The following AFAP1 variants were observed in gnomAD, a reference collection of about 807,000 sequenced individuals.
The protein encoded by AFAP1 is actin filament-associated protein 1.
AFAP1 carries 75 observed loss-of-function variants against 93.9 expected under a neutral mutation model. The ratio of observed to expected loss-of-function variants is 0.80; its 90% CI spans 0.66 to 0.97. The LOEUF (loss-of-function observed/expected upper bound fraction) is 0.97. Ranked by LOEUF, AFAP1 falls within the 50% of genes least tolerant of loss-of-function variation. AFAP1 has a pLI of 0.00. For synonymous variants in AFAP1, 517 were observed against 430.7 expected, an observed-to-expected ratio of 1.20 and a Z score of -2.48; for missense variants, 1,201 against 1,050.8, an observed-to-expected ratio of 1.14 and a Z score of -1.98.
chr4:7,922,663 G>A (rs755288556), intron 1 of AFAP1, among the ~76,000 whole-genome samples: 1 of 152,134 alleles, frequency 6.6e-6, no homozygotes, highest in Non-Finnish European at 1.5e-5. Context: ...ATGCCAAGCC[G>A]GGGAACCTGT....
Position 7,800,464 on chromosome 4 carries a change from C to A in AFAP1, c.1244G>T (p.Gly415Val). ...TACCTCCAATACTGCAACCTCCTGG[C>A]CGTTGCGCAGCAGCCGGAACGTCAG... ...HPLTFRLLRNGQEVAVLEASS... is the reference protein window; with the variant it reads ...HPLTFRLLRNVQEVAVLEASS... Residue 415 changes from glycine (G) to valine (V), a missense_variant, in exon 10 of 18, where the codon GGC (glycine) becomes GTC (valine). By Grantham distance (109) the Gly-to-Val change is moderately radical. Transcript: ENST00000420658. 1 of 1,614,184 alleles carries A rather than the reference C, an allele frequency of 6.2e-7. No homozygotes were observed. The highest frequency in any genetic ancestry group is 8.5e-7 in the Non-Finnish European group (1 of 1,180,016).
intron 6 of AFAP1, among the ~76,000 whole-genome samples, chr4:7,821,183 C>T (rs1435147110): frequency 6.6e-6 from 1 of 152,162 alleles, no homozygotes; most frequent in Non-Finnish European, 1.5e-5. Context: ...TATTTAATCT[C>T]TCAGAGCTTC....
intron 9 of AFAP1, among the ~76,000 whole-genome samples, chr4:7,804,262 G>A (rs1305289464): frequency 6.6e-6 from 1 of 152,214 alleles, no homozygotes; most frequent in African/African-American, 2.4e-5. Context: ...AACTGCAGGC[G>A]GGAGCTTCAA....
At chr4:7,859,383 C>T (rs538608859) in intron 3 of AFAP1, among the ~76,000 whole-genome samples, 6 of 152,096 alleles carry the variant, frequency 3.9e-5, no homozygotes, top group Non-Finnish European at 8.8e-5. Flanking sequence ...CGCCACACTG[C>T]ACTCCAGCCT....
chr4:7,856,039 T>C (rs1053486730), intron 3 of AFAP1, among the ~76,000 whole-genome samples: 2 of 152,176 alleles, frequency 1.3e-5, no homozygotes, highest in South Asian at 2.1e-4. Flanking sequence ...ACACAGATGC[T>C]CAGGCGCACC....
At chr4:7,872,938 TTA>T (rs1491501748) in intron 1 of AFAP1, among the ~76,000 whole-genome samples, 9 of 135,844 alleles carry the variant, frequency 6.6e-5, no homozygotes, top group African/African-American at 2.4e-4. Flanking sequence ...TTTTTTTTTT[TTA>T]AAAAAAAAAA....
At chr4:7,783,535 G>A (rs1170569618) in intron 12 of AFAP1, among the ~76,000 whole-genome samples, 2 of 152,186 alleles carry the variant, frequency 1.3e-5, no homozygotes, top group Admixed American at 6.5e-5. Context: ...TTCAGGAAGG[G>A]CCTGGGCAGA....
At chr4:7,769,122 A>T in intron 16 of AFAP1, 114 bp from the exon 17 acceptor site, 5 of 1,361,308 alleles carry the variant, frequency 3.7e-6, no homozygotes, top group Non-Finnish European at 4.9e-6. Context: ...GGGCAAAAAT[A>T]ACAGCAGTAG....
chr4:7,845,354 C>G (rs147448551), intron 4 of AFAP1, among the ~76,000 whole-genome samples: 5 of 151,950 alleles, frequency 3.3e-5, no homozygotes, highest in Non-Finnish European at 7.4e-5. Context: ...CCCAGGAGTC[C>G]GAGGCTGCAG....
intron 12 of AFAP1, 120 bp downstream of exon 12, chr4:7,786,074 C>T: frequency 1.2e-6 from 1 of 838,072 alleles, no homozygotes; most frequent in Non-Finnish European, 1.9e-6. Context: ...AGTCTCCTTG[C>T]CTCAGAGCAT....
intron 4 of AFAP1, among the ~76,000 whole-genome samples, chr4:7,849,240 A>G (rs1714158099): frequency 6.6e-6 from 1 of 152,076 alleles, no homozygotes; most frequent in African/African-American, 2.4e-5. Flanking sequence ...GGGAGGGGAG[A>G]GTGAGAGGCT....
intron 1 of AFAP1, among the ~76,000 whole-genome samples, chr4:7,906,172 C>G (rs1418004810): frequency 6.6e-6 from 1 of 152,158 alleles, no homozygotes; most frequent in Non-Finnish European, 1.5e-5. Context: ...GAGAAAGAAA[C>G]AGGGTTACTA....
Position 7,800,634 on chromosome 4 carries a change from G to A in AFAP1, c.1074C>T (p.Ser358=), listed in dbSNP as rs367699634. 6 of 1,614,068 alleles carry A rather than the reference G, an allele frequency of 3.7e-6. No homozygotes were observed. The African/African-American group carries it at 8.0e-5, about 22-fold the overall frequency. ...ACCAGCGCTCTCGCCAGCGGCTGTTGGAGAGCACGTTCAGATAGCCTGCGG... is the reference window on the plus strand; with the variant it reads ...ACCAGCGCTCTCGCCAGCGGCTGTTAGAGAGCACGTTCAGATAGCCTGCGG... ...VPTCGYLNVL[S]NSRWRERWCR... Residue 358 remains serine, a synonymous_variant, in exon 10 of 18, where the codon TCC becomes TCT. Transcript: ENST00000420658.
At chr4:7,900,004 G>C (rs186861004) in intron 1 of AFAP1, among the ~76,000 whole-genome samples, 4 of 152,196 alleles carry the variant, frequency 2.6e-5, no homozygotes, top group African/African-American at 9.6e-5. Flanking sequence ...GCATTCAAAG[G>C]CATGTGCTTC....
intron 1 of AFAP1, among the ~76,000 whole-genome samples, chr4:7,882,801 G>A (rs1267408577): frequency 6.6e-6 from 1 of 152,134 alleles, no homozygotes; most frequent in Non-Finnish European, 1.5e-5. Context: ...GGAGGCTGCA[G>A]TGAGCCGAGA....
chr4:7,850,157 T>C (rs368570039), intron 4 of AFAP1, among the ~76,000 whole-genome samples: 32 of 152,318 alleles, frequency 2.1e-4, no homozygotes, highest in East Asian at 1.2e-3. Flanking sequence ...TAGTAAGTCA[T>C]TGAACTTATT....
chr4:7,783,440 A>T (rs771788546), intron 12 of AFAP1, among the ~76,000 whole-genome samples: 1 of 152,172 alleles, frequency 6.6e-6, no homozygotes, highest in African/African-American at 2.4e-5. Context: ...GCGCCTGGCT[A>T]TAAGTATGAA....
At chr4:7,828,438 G>A (rs1159426363) in intron 6 of AFAP1, among the ~76,000 whole-genome samples, 1 of 152,212 alleles carries the variant, frequency 6.6e-6, no homozygotes, top group African/African-American at 2.4e-5. Context: ...AGCAGACACA[G>A]GAAGAGTCTG....
intron 16 of AFAP1, among the ~76,000 whole-genome samples, chr4:7,770,917 G>A (rs1715340208): frequency 6.6e-6 from 1 of 152,198 alleles, no homozygotes; most frequent in African/African-American, 2.4e-5. Context: ...CCCCTGCCCT[G>A]TCCCAGCCAA....
Sources: allele counts gnomAD v4.1 joint callset (sites outside exome capture counted in the v4.1 genomes callset), GRCh38; gene constraint gnomAD v4.1.1; transcripts MANE v1.5; gene names NCBI Gene and HGNC (gene_info 2026-07-23, HGNC 2026-07-21).